The following PCBP3 variants were observed in gnomAD, a reference collection of about 807,000 sequenced individuals.
The protein encoded by PCBP3 is poly(rC) binding protein 3, also known as poly(rC)-binding protein 3.
In PCBP3, 25 loss-of-function variants were observed where a neutral mutation model predicts 52.7. The ratio of observed to expected loss-of-function variants is 0.47; its 90% CI spans 0.35 to 0.66. The LOEUF (loss-of-function observed/expected upper bound fraction) is 0.66. Among genes scored for constraint, PCBP3 ranks in the 30% least tolerant of loss-of-function variants. The pLI is 0.01. For synonymous variants in PCBP3, 162 were observed against 183.0 expected, an observed-to-expected ratio of 0.89 and a Z score of 0.93; for missense variants, 391 against 490.3, an observed-to-expected ratio of 0.80 and a Z score of 1.91.
At chr21:45,774,546 C>T (rs915189590) in intron 4 of PCBP3, among the ~76,000 whole-genome samples, 1 of 152,120 alleles carries the variant, frequency 6.6e-6, no homozygotes, top group African/African-American at 2.4e-5. Flanking sequence ...GCTAGGACTT[C>T]CAGTATTATG....
rs1015013970 is a variant in PCBP3 at position 45,837,023 on chromosome 21, C to T, written c.-125-12938C>T. Among the ~76,000 whole-genome samples, 1 of 152,158 alleles carries T rather than the reference C, an allele frequency of 6.6e-6. No individual in the cohort carries two copies. The highest frequency in any genetic ancestry group is 1.5e-5 in the Non-Finnish European group (1 of 68,032). ...TCCTGTGTGTTTCTTTTGGTGCACA[C>T]ATGAGGTGTTTTTGGTTTAAGGAAG... On this transcript the variant is annotated intron_variant, in intron 4 of 17. Coordinates refer to ENST00000681687, the MANE Select transcript of PCBP3 (RefSeq NM_001384156.1). This position sits in a 1 kb window ranked among gnomAD's most constrained non-coding sequence, Gnocchi z 4.1.
chr21:45,741,018 G>A lies in PCBP3; in HGVS notation c.-162+5589G>A, dbSNP rs1370810630. ...GTGACTTGGGAGCCTGCCCTGCGGT[G>A]GGGGACTGTCCTAAACGGAAAGCAG... On this transcript the variant is annotated intron_variant, in intron 3 of 17. Coordinates refer to ENST00000681687, the MANE Select transcript of PCBP3 (RefSeq NM_001384156.1). This position sits in a 1 kb window ranked among gnomAD's most constrained non-coding sequence, Gnocchi z 4.5. 1.3e-5 allele frequency among the ~76,000 whole-genome samples: 2 copies of A among 152,186 alleles called. No individual in the cohort carries two copies.
intron 4 of PCBP3, among the ~76,000 whole-genome samples, chr21:45,782,385 CAT>C (rs1324424603): frequency 6.6e-6 from 1 of 152,054 alleles, no homozygotes; most frequent in Admixed American, 6.5e-5. Flanking sequence ...AGAATTGAAA[CAT>C]ATAGGATCTG....
chr21:45,712,125 C>T (rs1473761038), intron 2 of PCBP3, among the ~76,000 whole-genome samples: 1 of 151,910 alleles, frequency 6.6e-6, no homozygotes, highest in Non-Finnish European at 1.5e-5. Flanking sequence ...ATAAATATAC[C>T]TTGATTTGTT....
At chr21:45,930,118 C>T (rs755584273) in intron 14 of PCBP3, 123 bp downstream of exon 14, 10 of 360,016 alleles carry the variant, frequency 2.8e-5, no homozygotes, top group Admixed American at 1.0e-4. Flanking sequence ...GCCGGTGCTG[C>T]GGCGTTCACA....
At chr21:45,921,416 G>T (rs2074414800) in intron 13 of PCBP3, among the ~76,000 whole-genome samples, 2 of 152,158 alleles carry the variant, frequency 1.3e-5, no homozygotes, top group African/African-American at 4.8e-5. Flanking sequence ...ACATTCCTTA[G>T]GTTTGAGTAT....
At chr21:45,875,075 C>G (rs1438117206) in intron 5 of PCBP3, among the ~76,000 whole-genome samples, 2 of 152,268 alleles carry the variant, frequency 1.3e-5, no homozygotes, top group Non-Finnish European at 2.9e-5. Context: ...AGCGCGGTCG[C>G]CCCTGACGCG....
chr21:45,874,127 C>A (rs1024062095), intron 5 of PCBP3, among the ~76,000 whole-genome samples: 19 of 152,172 alleles, frequency 1.2e-4, no homozygotes, highest in African/African-American at 4.1e-4. Context: ...CGCGCCCGGC[C>A]CGCTTGTCTA....
intron 5 of PCBP3, chr21:45,854,113 A>G (rs2094169391): frequency 6.6e-6 from 1 of 152,062 alleles, no homozygotes; most frequent in Non-Finnish European, 1.5e-5. Flanking sequence ...TGAGGCCTCT[A>G]CGTTTCACAG....
chr21:45,820,702 G>A (rs1300021814), intron 4 of PCBP3, among the ~76,000 whole-genome samples: 1 of 152,200 alleles, frequency 6.6e-6, no homozygotes, highest in Non-Finnish European at 1.5e-5. Context: ...AGCCAGAGGA[G>A]GGAGTTCCTG....
chr21:45,878,302 C>T lies in PCBP3; in HGVS notation c.11-17906C>T, dbSNP rs533662139. ...GCCCTCCGGGGTGGGGGGGTCCTCC[C>T]GGGGCTGTTTCGTGTCTCTGCCCTT... On this transcript the variant is annotated intron_variant, in intron 5 of 17. Coordinates refer to ENST00000681687, the MANE Select transcript of PCBP3 (RefSeq NM_001384156.1). Among the ~76,000 whole-genome samples the T allele has an allele frequency of 5.9e-5, 9 of 152,370 alleles. No homozygotes were observed. In the South Asian group the frequency reaches 1.4e-3, roughly 25 times the overall value.
chr21:45,646,075 CTCTCTCTT>C (rs1197015173), intron 1 of PCBP3, among the ~76,000 whole-genome samples: 76 of 111,456 alleles, frequency 6.8e-4, no homozygotes, highest in African/African-American at 2.3e-3. Context: ...CTCTCTCTCT[CTCTCTCTT>C]TCTCTCTCTC....
At chr21:45,910,113 TGCCCAGA>T (rs1212794708) in intron 10 of PCBP3, among the ~76,000 whole-genome samples, 1 of 3,802 alleles carries the variant, frequency 2.6e-4, no homozygotes, top group Non-Finnish European at 4.0e-4. Flanking sequence ...CCCCACCCAC[TGCCCAGA>T]TACGGACCCC....
chr21:45,804,848 C>G (rs1279883650), intron 4 of PCBP3, among the ~76,000 whole-genome samples: 1 of 152,116 alleles, frequency 6.6e-6, no homozygotes, highest in African/African-American at 2.4e-5. Flanking sequence ...GAAGGATTGC[C>G]CCCGAGAGAG....
chr21:45,789,122 T>C (rs889063333), intron 4 of PCBP3, among the ~76,000 whole-genome samples: 2 of 152,198 alleles, frequency 1.3e-5, no homozygotes, highest in Non-Finnish European at 2.9e-5. Context: ...GATGGCATGC[T>C]CAGCAGATCA....
At position 45,800,659 on chromosome 21, in the gene PCBP3, A is replaced by G. The variant is rs1212160804; in HGVS notation, c.-126+45207A>G. On this transcript the variant is annotated intron_variant, in intron 4 of 17. Transcript: ENST00000681687. This position sits in a 1 kb window ranked among gnomAD's most constrained non-coding sequence, Gnocchi z 5.3. ...GGCCCTTGGGCCAAGCACCGCATGC[A>G]GCCTGGTGCACACCTGTGCCCTCCT... Among the ~76,000 whole-genome samples, 2 of 152,136 alleles carry G rather than the reference A, an allele frequency of 1.3e-5. No individual in the cohort carries two copies. Among genetic ancestry groups the G allele is most frequent in the Non-Finnish European group, 2.9e-5 (2 of 68,016 alleles).
chr21:45,745,515 A>G (rs8127571), intron 3 of PCBP3, among the ~76,000 whole-genome samples: 140,053 of 152,300 alleles, frequency 0.92, 64,564 homozygotes, highest in East Asian at 1. Context: ...AGGAACCCAG[A>G]TGCACCTCGT....
At chr21:45,667,357 ATT>A (rs900310607) in intron 1 of PCBP3, among the ~76,000 whole-genome samples, 14 of 147,120 alleles carry the variant, frequency 9.5e-5, no homozygotes, top group Admixed American at 9.4e-4. Flanking sequence ...GTTTCAGCTC[ATT>A]TTTTTTTTAA....
chr21:45,822,631 C>T (rs953078241), intron 4 of PCBP3, among the ~76,000 whole-genome samples: 4 of 150,670 alleles, frequency 2.7e-5, no homozygotes, highest in African/African-American at 7.3e-5. Flanking sequence ...GAGCAAGGGG[C>T]GGACCCGGCA....
Sources: allele counts gnomAD v4.1 joint callset (sites outside exome capture counted in the v4.1 genomes callset), GRCh38; gene constraint gnomAD v4.1.1; non-coding constraint Gnocchi (gnomAD v3.1); transcripts MANE v1.5; gene names NCBI Gene and HGNC (gene_info 2026-07-23, HGNC 2026-07-21).